DLEU7: variants seen among roughly 807,000 people sequenced by gnomAD.
DLEU7 encodes deleted in lymphocytic leukemia 7, also known as leukemia-associated protein 7.
Under a neutral mutation model 16.0 loss-of-function variants are expected in DLEU7, and 17 were observed. The observed-to-expected ratio is 1.06, with a 90% CI of 0.73 to 1.59. The LOEUF (loss-of-function observed/expected upper bound fraction) is 1.59. Among genes scored for constraint, DLEU7 ranks in the 40% most tolerant of loss-of-function variants. The probability of loss-of-function intolerance (pLI) is 0.00; values close to 1 mark genes in which losing one functional copy is unlikely to be tolerated. For synonymous variants in DLEU7, 113 were observed against 139.8 expected (o/e 0.81, Z 1.35); for missense variants, 308 against 314.9 (o/e 0.98, Z 0.17).
At chr13:50,753,252 G>A (rs916822672) in intron 1 of DLEU7, among the ~76,000 whole-genome samples, 5 of 152,266 alleles carry the variant, frequency 3.3e-5, no homozygotes, top group Non-Finnish European at 7.3e-5. Context: ...TCACCCAGTG[G>A]ATCCCGCACC....
exon 2 of DLEU7, chr13:50,712,653 C>G (rs1163720692): frequency 6.5e-6 from 1 of 152,708 alleles, no homozygotes; most frequent in Non-Finnish European, 1.5e-5. Context: ...CACTGAAGAA[C>G]TTTGTGTTTG....
Position 50,808,424 on chromosome 13 carries a change from G to T in DLEU7, c.459+34764C>A, listed in dbSNP as rs529424854. 4 of 152,226 alleles carry T rather than the reference G, an allele frequency of 2.6e-5. No individual in the cohort carries two copies. In the South Asian group the frequency reaches 8.3e-4, roughly 32 times the overall value. The allele number at this position is 152,226 out of a possible 1,614,324, so 9.4% of individuals were successfully genotyped here. A position where few individuals can be genotyped will look rare whatever the true frequency, so the allele number is the denominator to read the frequency against. On this transcript the variant is annotated intron_variant, in intron 1 of 1. Coordinates refer to the DLEU7 transcript ENST00000400393. ...TAAGTATATATACTTATATGAGGTT[G>T]GGGGTCCCTGCAAGAAGTACCAAGT...
intron 1 of DLEU7, among the ~76,000 whole-genome samples, chr13:50,752,052 C>CTTTTTTTTTTTTTTTTTTTTTTTTTTTT (rs200928092): frequency 3.7e-5 from 5 of 135,736 alleles, no homozygotes; most frequent in African/African-American, 1.4e-4. Context: ...CTCTTTCAGT[C>CTTTTTTTTTTTTTTTTTTTTTTTTTTTT]TTTTTTTTTT....
intron 1 of DLEU7, among the ~76,000 whole-genome samples, chr13:50,835,054 G>A (rs1593416952): frequency 1.5e-5 from 2 of 129,208 alleles, no homozygotes; most frequent in Non-Finnish European, 3.3e-5. Context: ...GGGGTGGGGG[G>A]CTAGGGGAGG....
intron 1 of DLEU7, among the ~76,000 whole-genome samples, chr13:50,824,698 A>T (rs1877024919): frequency 6.6e-6 from 1 of 152,208 alleles, no homozygotes; most frequent in Non-Finnish European, 1.5e-5. Context: ...ACATCCTGGG[A>T]ACACTCATGC....
intron 1 of DLEU7, among the ~76,000 whole-genome samples, chr13:50,753,800 G>T (rs1163453245): frequency 1.3e-5 from 2 of 152,250 alleles, no homozygotes; most frequent in African/African-American, 4.8e-5. Flanking sequence ...CGCCAAAGTG[G>T]GAGCCCAGGC....
intron 1 of DLEU7, among the ~76,000 whole-genome samples, chr13:50,775,127 G>A (rs142478245): frequency 3.3e-5 from 5 of 151,850 alleles, no homozygotes; most frequent in African/African-American, 9.7e-5. Context: ...TCTGGGGTAT[G>A]TGTTACACTT....
chr13:50,717,051 A>T (rs888305788), intron 1 of DLEU7, among the ~76,000 whole-genome samples: 10 of 152,370 alleles, frequency 6.6e-5, no homozygotes, highest in South Asian at 2.1e-4. Flanking sequence ...TCTGAATAAT[A>T]AATTGAAAAT....
intron 1 of DLEU7, among the ~76,000 whole-genome samples, chr13:50,725,818 A>G (rs562905326): frequency 6.7e-6 from 1 of 150,020 alleles, no homozygotes; most frequent in East Asian, 1.9e-4. Flanking sequence ...CAACCAGTGG[A>G]TTTTTTTTTT....
At chr13:50,826,343 C>G (rs564711062) in intron 1 of DLEU7, among the ~76,000 whole-genome samples, 1 of 151,938 alleles carries the variant, frequency 6.6e-6, no homozygotes, top group East Asian at 1.9e-4. Context: ...ATCAGAAAAG[C>G]GTTTTAAGAA....
chr13:50,841,566 TA>T (rs1013377008), intron 1 of DLEU7, among the ~76,000 whole-genome samples: 2 of 151,988 alleles, frequency 1.3e-5, no homozygotes, highest in Non-Finnish European at 2.9e-5. Context: ...TCACATTTTT[TA>T]AAAATCCCTG....
intron 1 of DLEU7, among the ~76,000 whole-genome samples, chr13:50,837,679 T>C (rs934191289): frequency 4.6e-5 from 7 of 152,224 alleles, no homozygotes; most frequent in African/African-American, 1.7e-4. Context: ...AAATCTCAAA[T>C]TTGCAGAAGC....
At chr13:50,714,366 T>C in intron 1 of DLEU7, among the ~76,000 whole-genome samples, 1 of 152,220 alleles carries the variant, frequency 6.6e-6, no homozygotes, top group Admixed American at 6.5e-5. Flanking sequence ...CCCAGCTTTT[T>C]CCGAGCAACC....
chr13:50,840,913 T>C (rs1877636507), intron 1 of DLEU7, among the ~76,000 whole-genome samples: 1 of 152,026 alleles, frequency 6.6e-6, no homozygotes, highest in Non-Finnish European at 1.5e-5. Flanking sequence ...CGGGTTGAGG[T>C]TTGGATGAAG....
At position 50,711,998 on chromosome 13, in the gene DLEU7, T is replaced by A. The variant is rs1172205512; in HGVS notation, c.*1219A>T. On this transcript the variant is annotated 3_prime_UTR_variant, in exon 2 of 2. Transcript: ENST00000400393. ...GGGACCATTTATGAAACTATCTCTT[T>A]GAATCGTAATTCCAGTTACACATTA... The A allele has an allele frequency of 2.0e-5, 3 of 152,186 alleles. No individual in the cohort carries two copies. In the East Asian group the frequency reaches 5.8e-4, roughly 29 times the overall value. The allele number at this position is 152,186 out of a possible 1,614,324, so 9.4% of individuals were successfully genotyped here. A position where few individuals can be genotyped will look rare whatever the true frequency, so the allele number is the denominator to read the frequency against.
At chr13:50,737,760 A>C (rs1027008201) in intron 1 of DLEU7, among the ~76,000 whole-genome samples, 1 of 152,136 alleles carries the variant, frequency 6.6e-6, no homozygotes, top group African/African-American at 2.4e-5. Flanking sequence ...AAAGCCAATT[A>C]GTAACCCTAC....
chr13:50,839,039 T>C (rs922621539), intron 1 of DLEU7, among the ~76,000 whole-genome samples: 9 of 152,220 alleles, frequency 5.9e-5, no homozygotes, highest in Admixed American at 3.9e-4. Flanking sequence ...TATTTTGCTA[T>C]GGCAAGCAGA....
intron 1 of DLEU7, among the ~76,000 whole-genome samples, chr13:50,771,131 T>G (rs917067782): frequency 6.6e-6 from 1 of 152,212 alleles, no homozygotes; most frequent in Admixed American, 6.5e-5. Context: ...TTATCATTTT[T>G]TATTGTGTCT....
At chr13:50,726,000 G>C (rs1939672761) in intron 1 of DLEU7, among the ~76,000 whole-genome samples, 2 of 152,150 alleles carry the variant, frequency 1.3e-5, no homozygotes, top group Non-Finnish European at 2.9e-5. Context: ...AGCATCATTT[G>C]TATGCAGCTA....
Sources: allele counts gnomAD v4.1 joint callset (sites outside exome capture counted in the v4.1 genomes callset), GRCh38; gene constraint gnomAD v4.1.1; transcripts MANE v1.5; gene names NCBI Gene and HGNC (gene_info 2026-07-23, HGNC 2026-07-21).